Variants in FBH1 observed in about 807,000 individuals in gnomAD.
FBH1 encodes DNA 3'-5' helicase 1.
A neutral mutation model predicts 115.5 loss-of-function variants in FBH1; 43 were observed. That is an observed-to-expected ratio of 0.37 (90% confidence interval 0.29 to 0.48). The LOEUF (loss-of-function observed/expected upper bound fraction) is 0.48. Among genes scored for constraint, FBH1 ranks in the 20% least tolerant of loss-of-function variants. FBH1 has a pLI of 0.99. For synonymous variants in FBH1, 524 were observed against 507.8 expected, an observed-to-expected ratio of 1.03 and a Z score of -0.43; for missense variants, 1,001 against 1,337.3, an observed-to-expected ratio of 0.75 and a Z score of 3.92.
chr10:5,915,297 G>C lies in FBH1; in HGVS notation c.1397-106G>C. 1 of 1,191,668 alleles carries C rather than the reference G, an allele frequency of 8.4e-7. No homozygotes were observed. The highest frequency in any genetic ancestry group is 2.4e-5 in the Admixed American group (1 of 40,824). The allele number at this position is 1,191,668 out of a possible 1,614,324, so 73.8% of individuals were successfully genotyped here. ...GCACTGAAAAACTTGTTACTGTCCT[G>C]CTCTCAAGACAGAGGTGTGATAAGC... is the stretch of plus-strand genomic sequence containing the variant. On this transcript the variant is annotated intron_variant, in intron 8 of 20. Coordinates refer to ENST00000362091, the MANE Select transcript of FBH1 (RefSeq NM_178150.3). This position sits in a 1 kb window ranked among gnomAD's most constrained non-coding sequence, Gnocchi z 5.2.
intron 1 of FBH1, chr10:5,894,240 A>G: frequency 2.9e-6 from 4 of 1,389,114 alleles, no homozygotes; most frequent in Non-Finnish European, 3.7e-6. Context: ...AATATTTTGA[A>G]GTTTTTCCAT....
chr10:5,930,437 C>T (rs1046952768), intron 19 of FBH1, among the ~76,000 whole-genome samples: 2 of 152,198 alleles, frequency 1.3e-5, no homozygotes, highest in African/African-American at 4.8e-5. Flanking sequence ...GTTTGCTTCC[C>T]GGTGTGGTTG....
Position 5,925,448 on chromosome 10 carries a change from C to T in FBH1, c.2678C>T (p.Pro893Leu). The T allele has an allele frequency of 6.2e-7, 1 of 1,614,150 alleles. No homozygotes were observed. Among genetic ancestry groups the T allele is most frequent in the Middle Eastern group, 1.7e-4 (1 of 6,038 alleles). The change falls in exon 18 of 21, where the codon CCT becomes CTT. Residue 893 changes from proline to leucine, a missense_variant. Transcript: ENST00000362091. The surrounding 1 kb of genome is among the most constrained non-coding windows in gnomAD (Gnocchi z 4.6). ...VHVLDDFVKV[P>L]CARHNLPQLP... is the part of the protein sequence containing the mutation. ...GTTTTGGATGATTTTGTGAAAGTGCCTTGTGCCCGGCATAACCTGCCCCAG... is the reference window on the plus strand; with the variant it reads ...GTTTTGGATGATTTTGTGAAAGTGCTTTGTGCCCGGCATAACCTGCCCCAG...
chr10:5,924,468 A>G lies in FBH1; in HGVS notation c.2556A>G (p.Gln852=). Residue 852 remains glutamine, a synonymous_variant, in exon 17 of 21, where the codon CAA becomes CAG. Transcript: ENST00000362091. The surrounding 1 kb of genome is among the most constrained non-coding windows in gnomAD (Gnocchi z 6.2). ...ACATCAGGATTCCAGAGCTGGTGCA[A>G]AGGATAGAAAAATGCCATATAGAAG... The part of the protein sequence containing the change: ...KYNIRIPELV[Q]RIEKCHIEDL... 3 of 1,614,104 alleles carry G rather than the reference A, an allele frequency of 1.9e-6. No individual in the cohort carries two copies. The highest frequency in any genetic ancestry group is 2.5e-6 in the Non-Finnish European group (3 of 1,179,968).
chr10:5,933,045 T>C lies in FBH1; in HGVS notation c.2830-3411T>C, dbSNP rs1833049847. 6.6e-6 allele frequency among the ~76,000 whole-genome samples: 1 copy of C among 152,108 alleles called. No homozygotes were observed. The highest frequency in any genetic ancestry group is 1.5e-5 in the Non-Finnish European group (1 of 68,024). Reference sequence around the variant, plus strand: ...TGTGACTTTTCTAGATGTTGCCAATTTTTTCATGGAGATTGTTATCACTTT... The same window carrying C: ...TGTGACTTTTCTAGATGTTGCCAATCTTTTCATGGAGATTGTTATCACTTT... On this transcript the variant is annotated intron_variant, in intron 19 of 20. Transcript: ENST00000362091. This position sits in a 1 kb window ranked among gnomAD's most constrained non-coding sequence, Gnocchi z 4.9.
intron 13 of FBH1, among the ~76,000 whole-genome samples, chr10:5,919,953 G>A (rs530106940): frequency 3.3e-5 from 5 of 152,290 alleles, no homozygotes; most frequent in Admixed American, 1.3e-4. Context: ...CACTTGTCAC[G>A]ATAATGAACC....
In FBH1 at chr10:5,914,112, A is replaced by G. The variant is rs1240997142; in HGVS notation, c.1305-66A>G. On this transcript the variant is annotated intron_variant, in intron 7 of 20. Coordinates refer to ENST00000362091, the MANE Select transcript of FBH1 (RefSeq NM_178150.3). This position sits in a 1 kb window ranked among gnomAD's most constrained non-coding sequence, Gnocchi z 5.2. ...TCCAGTTTGTATGTTTGGTTTTTGG[A>G]CTGTCTATCCCCTGGACTTTTCACG... 20 of 1,481,588 alleles carry G rather than the reference A, an allele frequency of 1.3e-5. No homozygotes were observed. The highest frequency in any genetic ancestry group is 1.8e-5 in the Non-Finnish European group (19 of 1,069,832). The allele number at this position is 1,481,588 out of a possible 1,614,324, so 91.8% of individuals were successfully genotyped here.
rs1187583664 is a variant in FBH1, at chr10:5,911,526, C to A, written c.1211+398C>A. 6.6e-6 allele frequency among the ~76,000 whole-genome samples: 1 copy of A among 152,176 alleles called. No homozygotes were observed. Among genetic ancestry groups the A allele is most frequent in the Non-Finnish European group, 1.5e-5 (1 of 68,038 alleles). The stretch of plus-strand genomic sequence containing the variant: ...AGACTCATCCACCTTATCCTCCATG[C>A]GGGAGAGGCTATGGCGTGTCGGCTG... On this transcript the variant is annotated intron_variant, in intron 6 of 20. Transcript: ENST00000362091. This position sits in a 1 kb window ranked among gnomAD's most constrained non-coding sequence, Gnocchi z 5.4.
At chr10:5,930,438 G>A (rs945573088) in intron 19 of FBH1, among the ~76,000 whole-genome samples, 1 of 152,188 alleles carries the variant, frequency 6.6e-6, no homozygotes, top group Admixed American at 6.5e-5. Context: ...TTTGCTTCCC[G>A]GTGTGGTTGT....
At chr10:5,892,402 G>T (rs556849644) in intron 1 of FBH1, among the ~76,000 whole-genome samples, 1 of 152,298 alleles carries the variant, frequency 6.6e-6, no homozygotes, top group African/African-American at 2.4e-5. Context: ...TTTTGGGTTT[G>T]TTGACATCAT....
chr10:5,927,562 G>T (rs1429410723), intron 19 of FBH1, 21 bp downstream of exon 19: 1 of 1,582,264 alleles, frequency 6.3e-7, no homozygotes. Flanking sequence ...CGGGCAGCAT[G>T]AGCTAACTTG....
rs1217386244 is a variant in FBH1, at chr10:5,936,579, A to G, written c.2953A>G (p.Ile985Val). 6.2e-6 allele frequency: 10 copies of G among 1,614,102 alleles called. No homozygotes were observed. The highest frequency in any genetic ancestry group is 1.1e-5 in the South Asian group (1 of 91,082). ...DTVLTMKKLP[I>V]TYSNRKENKG... is the part of the protein sequence containing the mutation. ...CGTCCTTACCATGAAGAAGCTGCCC[A>G]TCACCTATGTACGTCTGCTGTCTGT... The change falls in exon 20 of 21, where the codon ATC becomes GTC. Residue 985 changes from isoleucine (I) to valine (V), a missense_variant. Coordinates refer to ENST00000362091, the MANE Select transcript of FBH1 (RefSeq NM_178150.3). The surrounding 1 kb of genome is among the most constrained non-coding windows in gnomAD (Gnocchi z 5.6).
rs948092637 is a variant in FBH1 at position 5,932,251 on chromosome 10, C to T, written c.2830-4205C>T. Among the ~76,000 whole-genome samples the T allele has an allele frequency of 1.3e-5, 2 of 152,166 alleles. No individual in the cohort carries two copies. Among genetic ancestry groups the T allele is most frequent in the Non-Finnish European group, 2.9e-5 (2 of 68,036 alleles). ...ATTGGTAGTTATTTTAAACAATTAG[C>T]GATTAATCCTTCAGTATTTCTTTAT... is the stretch of plus-strand genomic sequence containing the variant. On this transcript the variant is annotated intron_variant, in intron 19 of 20. Coordinates refer to ENST00000362091, the MANE Select transcript of FBH1 (RefSeq NM_178150.3). This position sits in a 1 kb window ranked among gnomAD's most constrained non-coding sequence, Gnocchi z 5.9.
Position 5,935,684 on chromosome 10 carries a change from T to A in FBH1, c.2830-772T>A, listed in dbSNP as rs1178541529. On this transcript the variant is annotated intron_variant, in intron 19 of 20. Transcript: ENST00000362091. This position sits in a 1 kb window ranked among gnomAD's most constrained non-coding sequence, Gnocchi z 5.2. Reference sequence around the variant, plus strand: ...AAGACCAAATAAATCAAAACGTAGGTTACAGATTGTAGAATAAGTAGATCA... The same window carrying A: ...AAGACCAAATAAATCAAAACGTAGGATACAGATTGTAGAATAAGTAGATCA... 6.6e-6 allele frequency: 1 copy of A among 152,198 alleles called. No homozygotes were observed. Among genetic ancestry groups the A allele is most frequent in the Non-Finnish European group, 1.5e-5 (1 of 68,020 alleles). 9.4% of individuals were successfully genotyped at this position (152,198 alleles called of 1,614,324 possible). A position where few individuals can be genotyped will look rare whatever the true frequency, so the allele number is the denominator to read the frequency against.
chr10:5,892,059 G>GC (rs1337532893), intron 1 of FBH1, among the ~76,000 whole-genome samples: 1 of 85,966 alleles, frequency 1.2e-5, no homozygotes, highest in African/African-American at 4.0e-5. Context: ...CTGTCCCGCA[G>GC]CTCCTGTGAT....
Position 5,915,894 on chromosome 10 carries a change from G to A in FBH1, c.1565+323G>A. The stretch of plus-strand genomic sequence containing the variant: ...GTAGGCTTTTCTTGGAAGGGAGTGA[G>A]GAAGACTCAGCCGAGGCACACTTGA... On this transcript the variant is annotated intron_variant, in intron 9 of 20. Coordinates refer to ENST00000362091, the MANE Select transcript of FBH1 (RefSeq NM_178150.3). The surrounding 1 kb of genome is among the most constrained non-coding windows in gnomAD (Gnocchi z 5.2). The A allele has an allele frequency of 2.2e-6, 1 of 463,960 alleles. No individual in the cohort carries two copies. Among genetic ancestry groups the A allele is most frequent in the Non-Finnish European group, 3.9e-6 (1 of 257,794 alleles). 28.7% of individuals were successfully genotyped at this position (463,960 alleles called of 1,614,324 possible).
rs562056643 is a variant in FBH1, at chr10:5,905,760, C to G, written c.158-277C>G. Among the ~76,000 whole-genome samples the G allele has an allele frequency of 2.6e-5, 4 of 152,238 alleles. No individual in the cohort carries two copies. In the East Asian group the frequency reaches 7.7e-4, roughly 29 times the overall value. ...GATGTTCCCTGTGCAGCGTGTTTCT[C>G]TGTACTTGTTTTTACTGCAGGGAGT... On this transcript the variant is annotated intron_variant, in intron 2 of 20. Coordinates refer to ENST00000362091, the MANE Select transcript of FBH1 (RefSeq NM_178150.3).
Position 5,921,211 on chromosome 10 carries a change from C to T in FBH1, c.2101-47C>T, listed in dbSNP as rs41290317. ...GGCAGCAGTGATGGAAATGCACGGA[C>T]ACACCACAGGGCGGGCTGCTGACTC... On this transcript the variant is annotated intron_variant, in intron 13 of 20. Coordinates refer to ENST00000362091, the MANE Select transcript of FBH1 (RefSeq NM_178150.3). The surrounding 1 kb of genome is among the most constrained non-coding windows in gnomAD (Gnocchi z 6.4). 0.093 allele frequency: 146,106 copies of T among 1,572,908 alleles called. 7,431 individuals carry two copies. Among genetic ancestry groups the T allele is most frequent in the Middle Eastern group, 0.12 (741 of 5,952 alleles).
Position 5,906,286 on chromosome 10 carries a change from G to C in FBH1, c.407G>C (p.Gly136Ala). The C allele has an allele frequency of 6.2e-7, 1 of 1,614,184 alleles. No individual in the cohort carries two copies. The highest frequency in any genetic ancestry group is 1.1e-5 in the South Asian group (1 of 91,084). ...GAGGAAGAGAGTAACCAGGCTACCG[G>C]GACCAGCCGGTGGGATGGAGTTTCT... Reference protein sequence around the residue: ...SSEEESNQATGTSRWDGVSKK... With the variant: ...SSEEESNQATATSRWDGVSKK... Residue 136 changes from glycine to alanine, a missense_variant, in exon 3 of 21, where the codon GGG becomes GCG. Gly to Ala is a moderately conservative substitution (Grantham distance 60). Around this residue, in one of 4 missense-constraint regions of FBH1, gnomAD observed 420 missense variants for 430.4 expected, o/e 0.98. Transcript: ENST00000362091. This position sits in a 1 kb window ranked among gnomAD's most constrained non-coding sequence, Gnocchi z 7.3.
Sources: gnomAD v4.1 joint callset for allele counts (sites outside exome capture counted in the v4.1 genomes callset) on GRCh38, gnomAD v4.1.1 for gene constraint, gnomAD v4.1.1 regional missense constraint, Gnocchi (gnomAD v3.1) non-coding constraint, MANE v1.5 for transcripts, NCBI Gene and HGNC (gene_info 2026-07-23, HGNC 2026-07-21) for gene names.